Variants in CBFB observed in about 807,000 individuals in gnomAD.
The protein encoded by CBFB is core-binding factor subunit beta.
Under a neutral mutation model 30.4 loss-of-function variants are expected in CBFB, and 9 were observed. That is an observed-to-expected ratio of 0.30 (90% CI 0.18 to 0.52). CBFB has a LOEUF of 0.52. Among genes scored for constraint, CBFB ranks in the 20% least tolerant of loss-of-function variants. CBFB has a pLI of 0.97. For synonymous variants in CBFB, 94 were observed against 84.0 expected (o/e 1.12, Z -0.65); for missense variants, 170 against 244.0 (o/e 0.70, Z 2.02).
intron 5 of CBFB, among the ~76,000 whole-genome samples, chr16:67,083,063 T>A (rs1961614605): frequency 6.6e-6 from 1 of 152,160 alleles, no homozygotes; most frequent in East Asian, 1.9e-4. Context: ...CCTGTAGCTT[T>A]AGTCACTTGG....
intron 3 of CBFB, among the ~76,000 whole-genome samples, chr16:67,038,716 G>T (rs1245065662): frequency 2.0e-5 from 3 of 150,616 alleles, no homozygotes; most frequent in East Asian, 1.9e-4. Context: ...TTTTTTTCTT[G>T]TTTGAATACT....
rs754814736 is a variant in CBFB at position 67,029,378 on chromosome 16, G to T, written c.-30G>T. 2 of 1,481,176 alleles carry T rather than the reference G, an allele frequency of 1.4e-6. No homozygotes were observed. The highest frequency in any genetic ancestry group is 1.8e-6 in the Non-Finnish European group (2 of 1,113,868). The allele number at this position is 1,481,176 out of a possible 1,614,324, so 91.8% of individuals were successfully genotyped here. ...GGGTGCCCGCGCAAGCCCCGAGCGC[G>T]GCCGGCCGGCGCGGCCTCAGGGCGG... On this transcript the variant is annotated 5_prime_UTR_variant, in exon 1 of 6. Transcript: ENST00000412916.
intron 3 of CBFB, among the ~76,000 whole-genome samples, chr16:67,046,678 C>G (rs2145725462): frequency 6.6e-6 from 1 of 152,278 alleles, no homozygotes; most frequent in South Asian, 2.1e-4. Flanking sequence ...AGGTAGTGTT[C>G]TAATTGATGC....
chr16:67,062,590 G>A (rs866151110), intron 3 of CBFB, among the ~76,000 whole-genome samples: 2 of 151,054 alleles, frequency 1.3e-5, no homozygotes, highest in Non-Finnish European at 3.0e-5. Context: ...TCAGGAGTTC[G>A]AGAGCAGCCC....
chr16:67,039,583 C>T (rs1416860903), intron 3 of CBFB, among the ~76,000 whole-genome samples: 3 of 152,090 alleles, frequency 2.0e-5, no homozygotes, highest in Non-Finnish European at 4.4e-5. Flanking sequence ...TATATGTGAT[C>T]CATTTTAGGC....
chr16:67,034,807 A>T (rs1057108170), intron 2 of CBFB, among the ~76,000 whole-genome samples: 1 of 152,220 alleles, frequency 6.6e-6, no homozygotes, highest in African/African-American at 2.4e-5. Context: ...CTTTTCTGCC[A>T]CCACTCTGCT....
intron 5 of CBFB, among the ~76,000 whole-genome samples, chr16:67,085,930 G>A (rs1424954951): frequency 2.0e-5 from 3 of 151,602 alleles, no homozygotes; most frequent in Admixed American, 6.6e-5. Context: ...TGCCCGCCTT[G>A]GCCTCCCAAA....
chr16:67,056,631 G>A, intron 3 of CBFB, among the ~76,000 whole-genome samples: 1 of 151,164 alleles, frequency 6.6e-6, no homozygotes, highest in East Asian at 1.9e-4. Flanking sequence ...GGTGGTGAGG[G>A]ATGCTTGTTT....
At chr16:67,042,625 C>T (rs761272531) in intron 3 of CBFB, among the ~76,000 whole-genome samples, 4 of 152,224 alleles carry the variant, frequency 2.6e-5, no homozygotes, top group Non-Finnish European at 4.4e-5. Context: ...TGGGACTGTG[C>T]AGTCTCTGAA....
Position 67,063,551 on chromosome 16 carries a change from C to T in CBFB, c.283-3131C>T, listed in dbSNP as rs571940957. Among the ~76,000 whole-genome samples, 49 of 152,246 alleles carry T rather than the reference C, an allele frequency of 3.2e-4. 1 individual carries two copies. In the South Asian group the frequency reaches 8.9e-3, roughly 28 times the overall value. On this transcript the variant is annotated intron_variant, in intron 3 of 5. Coordinates refer to ENST00000412916, the MANE Select transcript of CBFB (RefSeq NM_022845.3). The stretch of plus-strand genomic sequence containing the variant: ...CTGCCTCCCAGGTTCAAGCGATTAT[C>T]CTGCATCAGCCTCCCAAGGAGCTGA...
At position 67,036,684 on chromosome 16, in the gene CBFB, G is replaced by A; in HGVS notation, c.211G>A (p.Ala71Thr). The A allele has an allele frequency of 6.2e-7, 1 of 1,613,832 alleles. No homozygotes were observed. The highest frequency in any genetic ancestry group is 8.5e-7 in the Non-Finnish European group (1 of 1,179,854). ...CAATCTGTCTCTCCAGTTTTTTCCG[G>A]CCAGCTGGCAGGGAGAACAGCGACA... ...GTNLSLQFFP[A>T]SWQGEQRQTP... The change falls in exon 3 of 6, where the codon GCC becomes ACC. Residue 71 changes from alanine to threonine, a missense_variant. Physicochemically the swap from Ala to Thr is moderately conservative, Grantham distance 58. Transcript: ENST00000412916.
intron 3 of CBFB, among the ~76,000 whole-genome samples, chr16:67,055,908 A>T (rs967169807): frequency 4.6e-5 from 7 of 152,168 alleles, no homozygotes; most frequent in African/African-American, 1.7e-4. Flanking sequence ...TTCTAAAGGA[A>T]TCTGTTGAAT....
At chr16:67,073,716 T>G (rs373834300) in intron 4 of CBFB, among the ~76,000 whole-genome samples, 4 of 151,280 alleles carry the variant, frequency 2.6e-5, no homozygotes, top group Admixed American at 1.3e-4. Context: ...CACTCCAGCC[T>G]GGGCAGCAGA....
chr16:67,063,806 G>C (rs1960977729), intron 3 of CBFB, among the ~76,000 whole-genome samples: 1 of 151,958 alleles, frequency 6.6e-6, no homozygotes, highest in African/African-American at 2.4e-5. Flanking sequence ...TATAATTATT[G>C]GCAGTCAGTT....
intron 4 of CBFB, among the ~76,000 whole-genome samples, chr16:67,077,098 G>A (rs1027545185): frequency 6.6e-6 from 1 of 152,100 alleles, no homozygotes. Context: ...CAATGAGAAT[G>A]TTATTTTCTT....
intron 3 of CBFB, among the ~76,000 whole-genome samples, chr16:67,046,608 G>A (rs1966631818): frequency 2.6e-5 from 4 of 152,166 alleles, no homozygotes; most frequent in Admixed American, 2.6e-4. Flanking sequence ...TGTGTATTCA[G>A]TAGTATAACC....
chr16:67,043,289 G>A (rs1342256725), intron 3 of CBFB, among the ~76,000 whole-genome samples: 4 of 151,976 alleles, frequency 2.6e-5, no homozygotes, highest in East Asian at 1.9e-4. Flanking sequence ...CTAATAGAGC[G>A]GAAACAAAAA....
At chr16:67,091,091 A>G (rs1961865964) in intron 5 of CBFB, among the ~76,000 whole-genome samples, 1 of 152,224 alleles carries the variant, frequency 6.6e-6, no homozygotes, top group African/African-American at 2.4e-5. Flanking sequence ...GTAGATGAGA[A>G]TGAACTGGGA....
chr16:67,056,986 A>C (rs377005429), intron 3 of CBFB, among the ~76,000 whole-genome samples: 2 of 151,542 alleles, frequency 1.3e-5, no homozygotes, highest in African/African-American at 4.9e-5. Context: ...GGCCTCTAGC[A>C]GGCTTTTTAT....
Sources: allele counts gnomAD v4.1 joint callset (sites outside exome capture counted in the v4.1 genomes callset), GRCh38; gene constraint gnomAD v4.1.1; transcripts MANE v1.5; gene names NCBI Gene and HGNC (gene_info 2026-07-23, HGNC 2026-07-21).